Variants in RALYL observed in about 807,000 individuals in gnomAD.
RALYL encodes the protein RNA-binding Raly-like protein.
Under a neutral mutation model 35.1 loss-of-function variants are expected in RALYL, and 29 were observed. That is an observed-to-expected ratio of 0.83 (90% CI 0.61 to 1.13). RALYL has a LOEUF of 1.13. Ranked by LOEUF, RALYL falls within the 50% of genes most tolerant of loss-of-function variation. RALYL has a pLI of 0.00. For synonymous variants in RALYL, 120 were observed against 127.6 expected (o/e 0.94, Z 0.40); for missense variants, 359 against 360.4 (o/e 1.00, Z 0.03).
chr8:84,324,670 A>G (rs1242684051), intron 1 of RALYL, among the ~76,000 whole-genome samples: 1 of 150,538 alleles, frequency 6.6e-6, no homozygotes, highest in East Asian at 1.9e-4. Flanking sequence ...CTTTTGTTTT[A>G]CATTATTTAA....
intron 2 of RALYL, among the ~76,000 whole-genome samples, chr8:84,768,381 C>T (rs2133477536): frequency 6.6e-6 from 1 of 152,264 alleles, no homozygotes. Context: ...CGAATCTTGG[C>T]AAAGCTTATG....
At chr8:84,319,455 C>T (rs1844378708) in intron 1 of RALYL, among the ~76,000 whole-genome samples, 1 of 151,942 alleles carries the variant, frequency 6.6e-6, no homozygotes, top group African/African-American at 2.4e-5. Context: ...AATAGATGAC[C>T]AATTTCATAA....
intron 2 of RALYL, among the ~76,000 whole-genome samples, chr8:84,677,444 T>C (rs1834438944): frequency 6.6e-6 from 1 of 152,190 alleles, no homozygotes; most frequent in African/African-American, 2.4e-5. Flanking sequence ...GGAATAGGAA[T>C]AGATTACCTA....
intron 2 of RALYL, among the ~76,000 whole-genome samples, chr8:84,639,759 G>A (rs1717790670): frequency 6.6e-6 from 1 of 151,944 alleles, no homozygotes; most frequent in Admixed American, 6.6e-5. Flanking sequence ...GGACCTTAGA[G>A]TCAAAAGAAT....
chr8:84,543,148 T>G (rs550221252), intron 2 of RALYL, among the ~76,000 whole-genome samples: 2 of 152,250 alleles, frequency 1.3e-5, no homozygotes, highest in African/African-American at 4.8e-5. Flanking sequence ...CAGGTGGAAT[T>G]TTTTAAAGAT....
chr8:84,398,353 T>A (rs376584906), intron 1 of RALYL, among the ~76,000 whole-genome samples: 189 of 152,232 alleles, frequency 1.2e-3, no homozygotes, highest in African/African-American at 4.4e-3. Flanking sequence ...CTTTTTTTCA[T>A]ATATTGTATA....
At chr8:84,341,076 TC>T (rs1848696976) in intron 1 of RALYL, among the ~76,000 whole-genome samples, 1 of 151,960 alleles carries the variant, frequency 6.6e-6, no homozygotes, top group Admixed American at 6.6e-5. Context: ...GTATGGAGCA[TC>T]TTTTCATATG....
At chr8:84,285,406 G>T (rs1000346312) in intron 1 of RALYL, among the ~76,000 whole-genome samples, 1 of 152,100 alleles carries the variant, frequency 6.6e-6, no homozygotes, top group Non-Finnish European at 1.5e-5. Context: ...ATAATTGTTA[G>T]TAAGATATGC....
intron 2 of RALYL, among the ~76,000 whole-genome samples, chr8:84,579,185 C>T (rs1485065541): frequency 6.6e-6 from 1 of 152,194 alleles, no homozygotes; most frequent in Non-Finnish European, 1.5e-5. Flanking sequence ...GCCAAGGCAG[C>T]AGGAGGCAGT....
intron 1 of RALYL, among the ~76,000 whole-genome samples, chr8:84,284,819 T>C (rs1035915400): frequency 6.6e-6 from 1 of 152,234 alleles, no homozygotes; most frequent in Non-Finnish European, 1.5e-5. Context: ...TAGTATTTTT[T>C]CCATTATCTT....
chr8:84,324,303 T>C (rs1319394500), intron 1 of RALYL, among the ~76,000 whole-genome samples: 1 of 152,030 alleles, frequency 6.6e-6, no homozygotes, highest in Non-Finnish European at 1.5e-5. Flanking sequence ...CTTCCTTCCT[T>C]CCTTCATCTT....
At chr8:84,521,519 T>C (rs1028134458) in intron 1 of RALYL, among the ~76,000 whole-genome samples, 1 of 152,214 alleles carries the variant, frequency 6.6e-6, no homozygotes, top group African/African-American at 2.4e-5. Context: ...TTAACCCCCT[T>C]ATGAACCAAG....
chr8:84,388,325 C>T (rs899807301), intron 1 of RALYL, among the ~76,000 whole-genome samples: 7 of 152,018 alleles, frequency 4.6e-5, no homozygotes, highest in African/African-American at 1.7e-4. Context: ...GTCTTTATAG[C>T]AGCATGATTT....
At chr8:84,400,492 T>A (rs16912787) in intron 1 of RALYL, among the ~76,000 whole-genome samples, 4,303 of 152,242 alleles carry the variant, frequency 0.028, 199 homozygotes, top group African/African-American at 0.098. Flanking sequence ...GAGGGCACAT[T>A]AATTGAAGGG....
intron 2 of RALYL, among the ~76,000 whole-genome samples, chr8:84,689,196 T>A (rs1837485879): frequency 6.6e-6 from 1 of 152,112 alleles, no homozygotes; most frequent in South Asian, 2.1e-4. Context: ...TCATCTAGCA[T>A]TAGGTATATC....
chr8:84,632,234 A>G (rs1824071680), intron 2 of RALYL, among the ~76,000 whole-genome samples: 1 of 151,918 alleles, frequency 6.6e-6, no homozygotes, highest in Non-Finnish European at 1.5e-5. Flanking sequence ...AGGCTCCAGA[A>G]CTGTAAGAAA....
intron 1 of RALYL, among the ~76,000 whole-genome samples, chr8:84,419,728 G>A (rs1203546435): frequency 8.0e-6 from 1 of 124,890 alleles, no homozygotes; most frequent in Non-Finnish European, 1.6e-5. Context: ...CCCAGAGTGT[G>A]ATATTCCCCT....
intron 1 of RALYL, among the ~76,000 whole-genome samples, chr8:84,495,769 C>T (rs946134697): frequency 6.6e-6 from 1 of 151,840 alleles, no homozygotes; most frequent in Non-Finnish European, 1.5e-5. Context: ...TATTTGTAAC[C>T]TTTGACGCTT....
In RALYL at chr8:84,504,696, T is replaced by C. The variant is rs115121841; in HGVS notation, c.-23-24603T>C. Among the ~76,000 whole-genome samples, 848 of 152,276 alleles carry C rather than the reference T, an allele frequency of 5.6e-3. 11 individuals carry two copies. The highest frequency in any genetic ancestry group is 0.019 in the African/African-American group (796 of 41,572). On this transcript the variant is annotated intron_variant, in intron 1 of 8. Transcript: ENST00000521268. ...ATGTCCATATTACATTGTTAAGTAA[T>C]GTAAGCAAGTTGTACATAATGTATG... is the stretch of plus-strand genomic sequence containing the variant.
Sources: allele counts gnomAD v4.1 joint callset (sites outside exome capture counted in the v4.1 genomes callset), GRCh38; gene constraint gnomAD v4.1.1; transcripts MANE v1.5; gene names NCBI Gene and HGNC (gene_info 2026-07-23, HGNC 2026-07-21).